SNX8: variants seen among roughly 807,000 people sequenced by gnomAD.
SNX8 encodes sorting nexin-8.
Under a neutral mutation model 51.6 loss-of-function variants are expected in SNX8, and 25 were observed. The ratio of observed to expected loss-of-function variants is 0.48; its 90% CI spans 0.35 to 0.68. The LOEUF (loss-of-function observed/expected upper bound fraction) is 0.68. SNX8 is among the 30% of genes least tolerant of loss of function. The pLI, the probability that SNX8 is intolerant of heterozygous loss-of-function variation, is 0.00. For synonymous variants in SNX8, 324 were observed against 277.0 expected, an observed-to-expected ratio of 1.17 and a Z score of -1.68; for missense variants, 695 against 624.0, an observed-to-expected ratio of 1.11 and a Z score of -1.21.
At chr7:2,336,441 G>A (rs910010092) in intron 1 of SNX8, among the ~76,000 whole-genome samples, 2 of 151,934 alleles carry the variant, frequency 1.3e-5, no homozygotes, top group Non-Finnish European at 2.9e-5. Flanking sequence ...GGGCGTGGTG[G>A]CTCACACCTG....
At chr7:2,265,593 C>T (rs1192783640) in intron 5 of SNX8, among the ~76,000 whole-genome samples, 2 of 151,190 alleles carry the variant, frequency 1.3e-5, no homozygotes, top group African/African-American at 2.4e-5. Flanking sequence ...TGCAAGGAGC[C>T]ATGATCACAA....
intron 1 of SNX8, among the ~76,000 whole-genome samples, chr7:2,303,974 A>T (rs900140094): frequency 5.3e-5 from 8 of 150,274 alleles, no homozygotes; most frequent in African/African-American, 9.8e-5. Context: ...AATAAATAAA[A>T]AATAAAAAAA....
At chr7:2,323,840 C>G (rs1261923271) in intron 1 of SNX8, among the ~76,000 whole-genome samples, 2 of 152,150 alleles carry the variant, frequency 1.3e-5, no homozygotes, top group African/African-American at 4.8e-5. Flanking sequence ...GACTCTTGCT[C>G]TGTTGCCCAG....
At position 2,252,003 on chromosome 7, in the gene SNX8, C is replaced by T. The variant is rs969437978; in HGVS notation, c.*3053G>A. On this transcript the variant is annotated 3_prime_UTR_variant, in exon 11 of 11. Coordinates refer to ENST00000222990, the MANE Select transcript of SNX8 (RefSeq NM_013321.4). ...AGAGCCCTAAACCTGTCTCCCCTGC[C>T]TGCACTGTGTCCGGCAGACAAAGGG... 1 of 152,294 alleles carries T rather than the reference C, an allele frequency of 6.6e-6. No homozygotes were observed. The highest frequency in any genetic ancestry group is 1.5e-5 in the Non-Finnish European group (1 of 68,102). The allele number at this position is 152,294 out of a possible 1,614,324, so 9.4% of individuals were successfully genotyped here. A position where few individuals can be genotyped will look rare whatever the true frequency, so the allele number is the denominator to read the frequency against.
intron 1 of SNX8, among the ~76,000 whole-genome samples, chr7:2,333,712 TTTAA>T (rs1158021563): frequency 4.6e-5 from 7 of 152,206 alleles, no homozygotes; most frequent in African/African-American, 1.7e-4. Flanking sequence ...GCCAAGGTAA[TTTAA>T]TTGTGTAAAG....
chr7:2,284,987 C>A (rs1262467997), intron 1 of SNX8, among the ~76,000 whole-genome samples: 1 of 151,670 alleles, frequency 6.6e-6, no homozygotes, highest in East Asian at 2.0e-4. Context: ...CTGAGGTGGG[C>A]GGATCACAAG....
chr7:2,293,178 G>A (rs1584710967), intron 1 of SNX8, among the ~76,000 whole-genome samples: 1 of 149,272 alleles, frequency 6.7e-6, no homozygotes, highest in Non-Finnish European at 1.5e-5. Flanking sequence ...TGAGGTGGGA[G>A]GATCACATGA....
Position 2,263,305 on chromosome 7 carries a change from C to A in SNX8, c.840G>T (p.Thr280=), listed in dbSNP as rs777741321. Residue 280 remains threonine (T), a synonymous_variant, in exon 7 of 11, where the codon ACG becomes ACT. Coordinates refer to ENST00000222990, the MANE Select transcript of SNX8 (RefSeq NM_013321.4). The stretch of plus-strand genomic sequence containing the variant: ...TCAGAGCCTGCTTCAGGGACCCCCA[C>A]GTGCTGCTATTCAGAGCGGCCCAGG... The part of the protein sequence containing the change: ...LPSWAALNSS[T]WGSLKQALKG... The A allele has an allele frequency of 6.2e-7, 1 of 1,613,790 alleles. No homozygotes were observed. Among genetic ancestry groups the A allele is most frequent in the East Asian group, 2.2e-5 (1 of 44,872 alleles).
intron 1 of SNX8, among the ~76,000 whole-genome samples, chr7:2,329,299 A>T (rs1778686990): frequency 6.6e-6 from 1 of 151,294 alleles, no homozygotes; most frequent in Admixed American, 6.6e-5. Flanking sequence ...ATAAAAATAA[A>T]AAATAAATAA....
At chr7:2,260,018 G>A (rs532652983) in intron 7 of SNX8, among the ~76,000 whole-genome samples, 20 of 151,938 alleles carry the variant, frequency 1.3e-4, no homozygotes, top group Non-Finnish European at 2.5e-4. Flanking sequence ...AAGAGAGAGA[G>A]AAAGAAAGAG....
intron 1 of SNX8, among the ~76,000 whole-genome samples, chr7:2,289,549 T>C (rs951042931): frequency 3.9e-5 from 6 of 152,170 alleles, no homozygotes; most frequent in Admixed American, 1.3e-4. Context: ...TCCATCTAGA[T>C]GCTTTTCCCT....
chr7:2,257,677 G>T, intron 8 of SNX8, 58 bp downstream of exon 8: 1 of 1,580,130 alleles, frequency 6.3e-7, no homozygotes, highest in Non-Finnish European at 8.7e-7. Flanking sequence ...GACCCTTGAA[G>T]GATCCTAAGA....
intron 1 of SNX8, among the ~76,000 whole-genome samples, chr7:2,290,064 G>A (rs1276844952): frequency 2.6e-5 from 4 of 152,010 alleles, no homozygotes; most frequent in Admixed American, 6.6e-5. Context: ...GTGGTGGTGC[G>A]CACCTGTAAT....
At chr7:2,280,913 C>T (rs975322699) in intron 1 of SNX8, among the ~76,000 whole-genome samples, 1 of 151,868 alleles carries the variant, frequency 6.6e-6, no homozygotes, top group African/African-American at 2.4e-5. Flanking sequence ...CTGCCTCAGC[C>T]TCCAGAGTAA....
chr7:2,273,191 G>A (rs936730871), intron 3 of SNX8, among the ~76,000 whole-genome samples: 1 of 152,028 alleles, frequency 6.6e-6, no homozygotes, highest in Non-Finnish European at 1.5e-5. Context: ...GCTCACACCT[G>A]TAATCCCAGC....
chr7:2,259,178 G>A (rs1003390515), intron 7 of SNX8, among the ~76,000 whole-genome samples: 6 of 152,170 alleles, frequency 3.9e-5, no homozygotes, highest in Admixed American at 2.0e-4. Context: ...CAGCGGAAGC[G>A]GCAGCCCATC....
intron 1 of SNX8, among the ~76,000 whole-genome samples, chr7:2,295,336 G>A (rs1455632104): frequency 6.6e-6 from 1 of 150,604 alleles, no homozygotes; most frequent in Non-Finnish European, 1.5e-5. Context: ...CTCAGGAGAC[G>A]GAGGCTGCAG....
At position 2,257,527 on chromosome 7, in the gene SNX8, G is replaced by A; in HGVS notation, c.985-13C>T. 2 of 1,600,942 alleles carry A rather than the reference G, an allele frequency of 1.2e-6. No individual in the cohort carries two copies. Among genetic ancestry groups the A allele is most frequent in the Admixed American group, 1.7e-5 (1 of 59,216 alleles). On this transcript the variant is annotated splice_polypyrimidine_tract_variant and intron_variant, in intron 8 of 10. Coordinates refer to ENST00000222990, the MANE Select transcript of SNX8 (RefSeq NM_013321.4). ...GCTCGCACAGGTCCTGCGGGGCCGGGGGAGGCATTCGCCCGCTGTCTGGAT... is the reference window on the plus strand; with the variant it reads ...GCTCGCACAGGTCCTGCGGGGCCGGAGGAGGCATTCGCCCGCTGTCTGGAT...
intron 8 of SNX8, 28 bp downstream of exon 8, chr7:2,257,707 C>T (rs1246629692): frequency 2.5e-6 from 4 of 1,609,912 alleles, no homozygotes; most frequent in East Asian, 2.2e-5. Context: ...AAAGTTCTGC[C>T]CCCAGCCAAG....
Sources: allele counts gnomAD v4.1 joint callset (sites outside exome capture counted in the v4.1 genomes callset), GRCh38; gene constraint gnomAD v4.1.1; transcripts MANE v1.5; gene names NCBI Gene and HGNC (gene_info 2026-07-23, HGNC 2026-07-21).